The following BFSP2 variants were observed in gnomAD, a reference collection of about 807,000 sequenced individuals.
The protein encoded by BFSP2 is phakinin.
A neutral mutation model predicts 44.9 loss-of-function variants in BFSP2; 38 were observed. The observed-to-expected ratio is 0.85, with a 90% CI of 0.65 to 1.11. BFSP2 has a LOEUF of 1.11. Ranked by LOEUF, BFSP2 falls within the 50% of genes least tolerant of loss-of-function variation. BFSP2 has a pLI of 0.00. For missense variants in BFSP2, 525 were observed against 533.0 expected (o/e 0.99, Z 0.15); for synonymous variants, 197 against 209.9 (o/e 0.94, Z 0.53).
chr3:133,438,150 C>G (rs1487262383), intron 1 of BFSP2, among the ~76,000 whole-genome samples: 1 of 152,194 alleles, frequency 6.6e-6, no homozygotes, highest in Non-Finnish European at 1.5e-5. Flanking sequence ...GTTAAATATT[C>G]ATTTGTCAGC....
chr3:133,415,242 C>T (rs1264224009), intron 1 of BFSP2, among the ~76,000 whole-genome samples: 1 of 134,290 alleles, frequency 7.4e-6, no homozygotes, highest in African/African-American at 2.9e-5. Flanking sequence ...GTCCTCTCCC[C>T]TCTACTCACC....
Position 133,448,380 on chromosome 3 carries a change from A to G in BFSP2, c.573-109A>G, listed in dbSNP as rs79495604. 4.8e-4 allele frequency: 639 copies of G among 1,328,480 alleles called. 2 individuals carry two copies. The African/African-American group carries it at 7.5e-3, about 16-fold the overall frequency. The allele number at this position is 1,328,480 out of a possible 1,614,324, so 82.3% of individuals were successfully genotyped here. On this transcript the variant is annotated intron_variant, in intron 2 of 6. Transcript: ENST00000302334. ...CAAATCTATTGAAACAGTGACTTTT[A>G]CCATTCATTGTCTAACTATCACATA...
intron 1 of BFSP2, among the ~76,000 whole-genome samples, chr3:133,406,573 C>A (rs1239173207): frequency 1.3e-5 from 2 of 152,028 alleles, no homozygotes; most frequent in African/African-American, 4.8e-5. Flanking sequence ...ATCTACCAAC[C>A]GTGTGATCTT....
At chr3:133,458,326 T>A (rs2107933475) in intron 4 of BFSP2, among the ~76,000 whole-genome samples, 1 of 152,328 alleles carries the variant, frequency 6.6e-6, no homozygotes, top group South Asian at 2.1e-4. Context: ...GAGCAGATTT[T>A]AAAAGGAAAA....
rs748652973 is a variant in BFSP2 at position 133,447,346 on chromosome 3, G to A, written c.519G>A (p.Arg173=). The A allele has an allele frequency of 2.5e-6, 4 of 1,614,018 alleles. No homozygotes were observed. The highest frequency in any genetic ancestry group is 3.4e-6 in the Non-Finnish European group (4 of 1,180,002). Residue 173 remains arginine (R), a synonymous_variant, in exon 2 of 7, where the codon CGG becomes CGA. Coordinates refer to ENST00000302334, the MANE Select transcript of BFSP2 (RefSeq NM_003571.4). Reference sequence around the variant, plus strand: ...GTGAGGCAGTCTTGGAAAATGCCCGGCTCATGCTGCAGACAGAAACTATCC... The same window carrying A: ...GTGAGGCAGTCTTGGAAAATGCCCGACTCATGCTGCAGACAGAAACTATCC... The part of the protein sequence containing the change: ...QVGEAVLENA[R]LMLQTETIQA...
At chr3:133,439,563 C>G (rs887054270) in intron 1 of BFSP2, among the ~76,000 whole-genome samples, 1 of 152,160 alleles carries the variant, frequency 6.6e-6, no homozygotes, top group African/African-American at 2.4e-5. Flanking sequence ...CCTAGCACAG[C>G]CTGAGCCAGG....
chr3:133,415,317 T>G, intron 1 of BFSP2, among the ~76,000 whole-genome samples: 1 of 88,630 alleles, frequency 1.1e-5, no homozygotes, highest in Non-Finnish European at 2.1e-5. Flanking sequence ...CTCGCCCCTG[T>G]CCTTTCCCCT....
chr3:133,429,076 C>A (rs559873014), intron 1 of BFSP2, among the ~76,000 whole-genome samples: 2 of 152,156 alleles, frequency 1.3e-5, no homozygotes, highest in African/African-American at 4.8e-5. Context: ...AATTGAAACT[C>A]CCCTTGTACT....
intron 1 of BFSP2, among the ~76,000 whole-genome samples, chr3:133,431,355 C>T (rs961914580): frequency 6.6e-6 from 1 of 152,150 alleles, no homozygotes; most frequent in Non-Finnish European, 1.5e-5. Flanking sequence ...ACACCTGAAC[C>T]GCAGCAGCCA....
rs2107897930 is a variant in BFSP2, at chr3:133,425,318, T to C, written c.490-21999T>C. Among the ~76,000 whole-genome samples, 2 of 152,350 alleles carry C rather than the reference T, an allele frequency of 1.3e-5. 1 individual carries two copies. Among genetic ancestry groups the C allele is most frequent in the South Asian group, 4.1e-4 (2 of 4,826 alleles). On this transcript the variant is annotated intron_variant, in intron 1 of 6. Transcript: ENST00000302334. ...AAATCCACACACTGGTCCATCCCTG[T>C]TACATGCCAAGCACTGTGCTGGGCA...
intron 1 of BFSP2, among the ~76,000 whole-genome samples, chr3:133,423,951 C>T (rs920182516): frequency 6.6e-6 from 1 of 152,108 alleles, no homozygotes; most frequent in African/African-American, 2.4e-5. Flanking sequence ...CTCCCAATTT[C>T]CTGAGGATTA....
intron 6 of BFSP2, among the ~76,000 whole-genome samples, chr3:133,473,798 C>T (rs1244059589): frequency 6.6e-6 from 1 of 151,938 alleles, no homozygotes; most frequent in Non-Finnish European, 1.5e-5. Context: ...TCAACAGGAT[C>T]CCAAGGCAGA....
chr3:133,433,127 G>T (rs969420913), intron 1 of BFSP2, among the ~76,000 whole-genome samples: 2 of 152,106 alleles, frequency 1.3e-5, no homozygotes, highest in African/African-American at 4.8e-5. Flanking sequence ...TCCTGGCCAG[G>T]ACTTCAATCT....
At chr3:133,414,532 C>T (rs1320895518) in intron 1 of BFSP2, among the ~76,000 whole-genome samples, 2 of 112,906 alleles carry the variant, frequency 1.8e-5, no homozygotes, top group African/African-American at 7.2e-5. Context: ...CCTGCCCTCT[C>T]CCTTCTACTC....
rs1418301357 is a variant in BFSP2, at chr3:133,448,730, A to G, written c.729+85A>G. The G allele has an allele frequency of 2.0e-6, 3 of 1,527,674 alleles. No individual in the cohort carries two copies. In the Admixed American group the frequency reaches 5.6e-5, roughly 28 times the overall value. 94.6% of individuals were successfully genotyped at this position (1,527,674 alleles called of 1,614,324 possible). On this transcript the variant is annotated intron_variant, in intron 3 of 6. Coordinates refer to ENST00000302334, the MANE Select transcript of BFSP2 (RefSeq NM_003571.4). Reference sequence around the variant, plus strand: ...CTGTGCTTCATAACAAGGCCACAGTAGCTCATTTCTGACTCTCCACATTGC... The same window carrying G: ...CTGTGCTTCATAACAAGGCCACAGTGGCTCATTTCTGACTCTCCACATTGC...
chr3:133,430,053 G>A (rs1044158253), intron 1 of BFSP2, among the ~76,000 whole-genome samples: 33 of 149,276 alleles, frequency 2.2e-4, no homozygotes, highest in Non-Finnish European at 4.3e-4. Context: ...ATGGTTTCCA[G>A]TTTCATCCAT....
intron 4 of BFSP2, among the ~76,000 whole-genome samples, chr3:133,457,558 T>TA (rs1559980034): frequency 5.9e-5 from 9 of 151,930 alleles, no homozygotes; most frequent in African/African-American, 2.2e-4. Flanking sequence ...ATATATATAT[T>TA]TTTTTTCCTG....
intron 1 of BFSP2, chr3:133,445,397 G>C (rs60903868): frequency 0.1 from 15,488 of 152,192 alleles, 868 homozygotes; most frequent in African/African-American, 0.14. Context: ...CAAATTGTTG[G>C]GACCCACCTG....
chr3:133,437,782 A>AAG (rs2073804890), intron 1 of BFSP2, among the ~76,000 whole-genome samples: 1 of 152,160 alleles, frequency 6.6e-6, no homozygotes, highest in East Asian at 1.9e-4. Context: ...CTGGAGAGGG[A>AAG]GCACCGTGAA....
Sources: gnomAD v4.1 joint callset for allele counts (sites outside exome capture counted in the v4.1 genomes callset) on GRCh38, gnomAD v4.1.1 for gene constraint, MANE v1.5 for transcripts, NCBI Gene and HGNC (gene_info 2026-07-23, HGNC 2026-07-21) for gene names.